SMARCA2: variants seen among roughly 807,000 people sequenced by gnomAD.
SMARCA2 encodes the protein SWI/SNF-related matrix-associated actin-dependent regulator of chromatin subfamily A member 2.
Under a neutral mutation model 199.8 loss-of-function variants are expected in SMARCA2, and 61 were observed. The observed-to-expected ratio is 0.31, with a 90% CI of 0.25 to 0.38. The LOEUF is 0.38. SMARCA2 is among the 10% of genes least tolerant of loss of function. The pLI is 1.00. For missense variants in SMARCA2, 1,344 were observed against 2,012.2 expected, an observed-to-expected ratio of 0.67 and a Z score of 6.35; for synonymous variants, 935 against 732.0, an observed-to-expected ratio of 1.28 and a Z score of -4.48.
intron 31 of SMARCA2, among the ~76,000 whole-genome samples, chr9:2,182,859 C>T (rs564060729): frequency 8.6e-5 from 13 of 151,356 alleles, no homozygotes; most frequent in South Asian, 6.2e-4. Flanking sequence ...GGCATGATCT[C>T]GGCTCACTGC....
intron 17 of SMARCA2, chr9:2,085,693 T>A (rs1000008099): frequency 6.6e-6 from 1 of 152,254 alleles, no homozygotes; most frequent in Non-Finnish European, 1.5e-5. Context: ...CCAGCCTGAC[T>A]GATGATTTTA....
At chr9:2,188,897 G>C (rs966864238) in intron 32 of SMARCA2, among the ~76,000 whole-genome samples, 1 of 152,198 alleles carries the variant, frequency 6.6e-6, no homozygotes, top group Non-Finnish European at 1.5e-5. Flanking sequence ...GTGGAAGGCT[G>C]TTCCCAACAG....
At chr9:2,058,150 G>T in intron 7 of SMARCA2, 141 bp from the exon 8 acceptor site, 1 of 716,662 alleles carries the variant, frequency 1.4e-6, no homozygotes, top group Non-Finnish European at 2.4e-6. Context: ...AGAGACACCA[G>T]GGCACCTATC....
chr9:2,034,682 G>C (rs1288331427), intron 3 of SMARCA2, among the ~76,000 whole-genome samples: 4 of 152,218 alleles, frequency 2.6e-5, no homozygotes, highest in African/African-American at 4.8e-5. Context: ...TGAGGATTTA[G>C]AGAAGTCTAT....
chr9:2,052,638 G>A (rs7863682), intron 5 of SMARCA2, among the ~76,000 whole-genome samples: 13,840 of 152,204 alleles, frequency 0.091, 801 homozygotes, highest in East Asian at 0.22. Context: ...CTGAAAAATA[G>A]TTTTCCTTAC....
rs1262234607 is a variant in SMARCA2, at chr9:2,033,099, A to T, written c.355+18A>T. The T allele has an allele frequency of 1.2e-6, 2 of 1,609,930 alleles. No individual in the cohort carries two copies. The highest frequency in any genetic ancestry group is 1.7e-6 in the Non-Finnish European group (2 of 1,178,684). ...CAGCCAAGGTTTGTGTCCGCTGCAC[A>T]CCTGATACTGGTTCCCCAGCATAGT... On this transcript the variant is annotated intron_variant, in intron 3 of 33. Coordinates refer to ENST00000349721, the MANE Select transcript of SMARCA2 (RefSeq NM_003070.5).
At chr9:2,191,593 G>A (rs147427386) in intron 33 of SMARCA2, 185 bp downstream of exon 33, 2 of 547,730 alleles carry the variant, frequency 3.7e-6, no homozygotes, top group South Asian at 3.7e-5. Flanking sequence ...AGGATTGGGG[G>A]CTTTGTTTAT....
intron 27 of SMARCA2, among the ~76,000 whole-genome samples, chr9:2,143,636 G>A (rs1824572240): frequency 6.6e-6 from 1 of 152,204 alleles, no homozygotes. Flanking sequence ...AAATAGGACT[G>A]CAGGGATGTG....
At chr9:2,107,611 C>G in intron 23 of SMARCA2, among the ~76,000 whole-genome samples, 1 of 152,346 alleles carries the variant, frequency 6.6e-6, no homozygotes, top group African/African-American at 2.4e-5. Context: ...AGCCACCATG[C>G]CTGGCCTATA....
rs75238264 is a variant in SMARCA2, at chr9:2,129,993, A to G, written c.3981+6056A>G. On this transcript the variant is annotated intron_variant, in intron 27 of 33. Coordinates refer to ENST00000349721, the MANE Select transcript of SMARCA2 (RefSeq NM_003070.5). Reference sequence around the variant, plus strand: ...CTCAGCCTCCTGAGTACCTAGGACTACAGGTACATGCCACCATGCCCGGCT... The same window carrying G: ...CTCAGCCTCCTGAGTACCTAGGACTGCAGGTACATGCCACCATGCCCGGCT... Among the ~76,000 whole-genome samples, 1,285 of 152,220 alleles carry G rather than the reference A, an allele frequency of 8.4e-3. 22 individuals carry two copies. The highest frequency in any genetic ancestry group is 0.03 in the African/African-American group (1,226 of 41,528).
chr9:2,032,872 T>G, intron 2 of SMARCA2, 80 bp from the exon 3 acceptor site: 1 of 1,349,974 alleles, frequency 7.4e-7, no homozygotes, highest in African/African-American at 1.5e-5. Flanking sequence ...TTTAAAGAAC[T>G]TAGGAAGGGG....
At chr9:2,117,758 C>T (rs1823274619) in intron 25 of SMARCA2, among the ~76,000 whole-genome samples, 1 of 152,228 alleles carries the variant, frequency 6.6e-6, no homozygotes, top group African/African-American at 2.4e-5. Context: ...ACTCCCCTCC[C>T]AGTTGTCCTG....
At chr9:2,176,773 G>A (rs527494035) in intron 29 of SMARCA2, among the ~76,000 whole-genome samples, 1 of 151,768 alleles carries the variant, frequency 6.6e-6, no homozygotes, top group African/African-American at 2.4e-5. Context: ...GTCTGTGCTG[G>A]TCTTGAATTC....
chr9:2,044,596 G>A (rs1265423439), intron 4 of SMARCA2: 1 of 152,172 alleles, frequency 6.6e-6, no homozygotes, highest in Non-Finnish European at 1.5e-5. Context: ...AATCTTCACC[G>A]CTGCCCTATG....
intron 27 of SMARCA2, among the ~76,000 whole-genome samples, chr9:2,146,940 C>G (rs1340482281): frequency 6.6e-6 from 1 of 152,132 alleles, no homozygotes; most frequent in East Asian, 1.9e-4. Context: ...TGCTGACCTC[C>G]CATCTCATCC....
intron 27 of SMARCA2, among the ~76,000 whole-genome samples, chr9:2,125,162 G>A (rs1042876588): frequency 1.3e-5 from 2 of 152,154 alleles, no homozygotes; most frequent in African/African-American, 4.8e-5. Flanking sequence ...TGAGAGGGAC[G>A]TGACCTGAAT....
At chr9:2,072,510 G>A (rs1171894412) in intron 10 of SMARCA2, among the ~76,000 whole-genome samples, 1 of 152,156 alleles carries the variant, frequency 6.6e-6, no homozygotes, top group African/African-American at 2.4e-5. Context: ...AGACCCCTGG[G>A]GGGTTAGTTT....
chr9:2,095,261 T>G (rs924873311), intron 19 of SMARCA2, among the ~76,000 whole-genome samples: 1 of 152,058 alleles, frequency 6.6e-6, no homozygotes, highest in Non-Finnish European at 1.5e-5. Context: ...AATTTTTGTA[T>G]TTTTAGTAGA....
At chr9:2,100,990 T>A (rs1822487526) in intron 21 of SMARCA2, among the ~76,000 whole-genome samples, 1 of 151,942 alleles carries the variant, frequency 6.6e-6, no homozygotes, top group African/African-American at 2.4e-5. Flanking sequence ...GGGAAACCCC[T>A]TACAAAGCCA....
Sources: gnomAD v4.1 joint callset for allele counts (sites outside exome capture counted in the v4.1 genomes callset) on GRCh38, gnomAD v4.1.1 for gene constraint, MANE v1.5 for transcripts, NCBI Gene and HGNC (gene_info 2026-07-23, HGNC 2026-07-21) for gene names.